Variants in FER1L6 observed in about 807,000 individuals in gnomAD.
FER1L6 encodes the protein fer-1-like protein 6.
FER1L6 carries 177 observed loss-of-function variants against 219.2 expected under a neutral mutation model. The ratio of observed to expected loss-of-function variants is 0.81; its 90% CI spans 0.71 to 0.91. FER1L6 has a LOEUF of 0.91. Ranked by LOEUF, FER1L6 falls within the 40% of genes least tolerant of loss-of-function variation. The pLI is 0.00. For synonymous variants in FER1L6, 768 were observed against 824.3 expected, an observed-to-expected ratio of 0.93 and a Z score of 1.17; for missense variants, 2,153 against 2,259.9, an observed-to-expected ratio of 0.95 and a Z score of 0.96.
chr8:123,935,010 CTCTTT>C (rs1261929853), intron 1 of FER1L6, among the ~76,000 whole-genome samples: 5 of 152,142 alleles, frequency 3.3e-5, no homozygotes, highest in African/African-American at 1.2e-4. Context: ...TCAGTTAAAT[CTCTTT>C]TCTTTATAAA....
At chr8:123,971,249 T>C (rs932293664) in intron 6 of FER1L6, among the ~76,000 whole-genome samples, 6 of 152,222 alleles carry the variant, frequency 3.9e-5, no homozygotes, top group African/African-American at 4.8e-5. Context: ...AATTATGACA[T>C]TAACCTTCCC....
intron 1 of FER1L6, among the ~76,000 whole-genome samples, chr8:123,938,943 T>C (rs1475256188): frequency 6.6e-6 from 1 of 152,234 alleles, no homozygotes; most frequent in African/African-American, 2.4e-5. Flanking sequence ...AGATAATTAC[T>C]TTTTTATTCT....
At chr8:123,933,396 G>C (rs1813856517) in intron 1 of FER1L6, among the ~76,000 whole-genome samples, 1 of 87,186 alleles carries the variant, frequency 1.1e-5, no homozygotes, top group Non-Finnish European at 2.3e-5. Context: ...GTGTGTGTGT[G>C]TGTGTCTGTG....
At chr8:123,875,406 C>T (rs1023670330) in intron 1 of FER1L6, among the ~76,000 whole-genome samples, 1 of 152,164 alleles carries the variant, frequency 6.6e-6, no homozygotes, top group Non-Finnish European at 1.5e-5. Flanking sequence ...ACCACTTTTT[C>T]TCAGTCTCCT....
chr8:124,091,604 C>T (rs1226741255), intron 34 of FER1L6, 21 bp downstream of exon 34: 2 of 1,606,186 alleles, frequency 1.2e-6, no homozygotes, highest in Admixed American at 1.7e-5. Context: ...GCAAAATATC[C>T]TGCTGGTGTT....
chr8:123,933,468 C>T (rs1257976295), intron 1 of FER1L6, among the ~76,000 whole-genome samples: 1 of 152,116 alleles, frequency 6.6e-6, no homozygotes, highest in Non-Finnish European at 1.5e-5. Context: ...TTCACTTTCC[C>T]CCTAGTGCAT....
intron 5 of FER1L6, among the ~76,000 whole-genome samples, chr8:123,967,251 T>C (rs1410485771): frequency 6.6e-6 from 1 of 152,184 alleles, no homozygotes; most frequent in Non-Finnish European, 1.5e-5. Flanking sequence ...CCAGAGATAT[T>C]CCAAACATGT....
chr8:123,916,775 A>G (rs1223532235), intron 1 of FER1L6, among the ~76,000 whole-genome samples: 4 of 152,184 alleles, frequency 2.6e-5, no homozygotes, highest in African/African-American at 9.7e-5. Flanking sequence ...TCTTGAGCCC[A>G]CTGAGTGCCC....
intron 1 of FER1L6, among the ~76,000 whole-genome samples, chr8:123,945,334 T>C (rs1192938995): frequency 2.0e-5 from 3 of 152,160 alleles, no homozygotes; most frequent in Admixed American, 2.0e-4. Flanking sequence ...GCAAAAATAA[T>C]TTATAAAGAA....
chr8:123,904,831 T>G (rs1209921185), intron 1 of FER1L6, among the ~76,000 whole-genome samples: 3 of 152,234 alleles, frequency 2.0e-5, no homozygotes, highest in African/African-American at 7.2e-5. Context: ...AGTAGTATGT[T>G]GGTGCCAGTT....
At chr8:123,932,495 CATT>C (rs1456139216) in intron 1 of FER1L6, among the ~76,000 whole-genome samples, 1 of 152,144 alleles carries the variant, frequency 6.6e-6, no homozygotes, top group Non-Finnish European at 1.5e-5. Context: ...AATATAAATT[CATT>C]TGAAAAATAA....
At chr8:123,865,533 T>A (rs1399809805) in intron 1 of FER1L6, among the ~76,000 whole-genome samples, 1 of 151,490 alleles carries the variant, frequency 6.6e-6, no homozygotes. Flanking sequence ...CAGGCTGCTT[T>A]GTTTACCTAA....
chr8:124,004,814 T>C (rs906028761), intron 13 of FER1L6, among the ~76,000 whole-genome samples: 1 of 151,914 alleles, frequency 6.6e-6, no homozygotes, highest in Non-Finnish European at 1.5e-5. Flanking sequence ...CTGTCCAACA[T>C]AATGAAACTC....
chr8:123,901,726 T>A (rs1812861683), intron 1 of FER1L6, among the ~76,000 whole-genome samples: 1 of 152,080 alleles, frequency 6.6e-6, no homozygotes, highest in Admixed American at 6.6e-5. Flanking sequence ...TGAAGAATTT[T>A]TTTTTTTTTT....
chr8:124,072,363 C>T (rs956800732), intron 31 of FER1L6, among the ~76,000 whole-genome samples: 15 of 152,190 alleles, frequency 9.9e-5, no homozygotes, highest in East Asian at 3.9e-4. Flanking sequence ...TGAAACTTTT[C>T]GGCCTCATTA....
intron 32 of FER1L6, among the ~76,000 whole-genome samples, chr8:124,077,416 C>T (rs1429629717): frequency 6.6e-6 from 1 of 152,216 alleles, no homozygotes; most frequent in Admixed American, 6.5e-5. Context: ...TTCATTTACA[C>T]ATCTGTGATC....
In FER1L6 at chr8:123,889,575, GAA is replaced by G. The variant is rs1812603387; in HGVS notation, c.-8+37394_-8+37395del. ...TAAGAATTATAGTTAATACAAAAAA[GAA>G]AAAGAATAGAAATAAGTATTAGATA... On this transcript the variant is annotated intron_variant, in intron 1 of 40. Coordinates refer to ENST00000522917, the MANE Select transcript of FER1L6 (RefSeq NM_001039112.2). Among the ~76,000 whole-genome samples, 3 of 151,904 alleles carry G rather than the reference GAA, an allele frequency of 2.0e-5. No individual in the cohort carries two copies. The South Asian group carries it at 6.2e-4, about 31-fold the overall frequency.
chr8:124,099,360 C>A (rs929641383), intron 37 of FER1L6, among the ~76,000 whole-genome samples: 1 of 151,892 alleles, frequency 6.6e-6, no homozygotes, highest in Non-Finnish European at 1.5e-5. Context: ...TTCTTCTCTA[C>A]GGTTTCTTAT....
At chr8:124,058,453 T>C (rs575992954) in intron 22 of FER1L6, among the ~76,000 whole-genome samples, 1 of 152,382 alleles carries the variant, frequency 6.6e-6, no homozygotes, top group African/African-American at 2.4e-5. Flanking sequence ...GCATAGCATA[T>C]GGTTTTATAG....
Sources: gnomAD v4.1 joint callset for allele counts (sites outside exome capture counted in the v4.1 genomes callset) on GRCh38, gnomAD v4.1.1 for gene constraint, MANE v1.5 for transcripts, NCBI Gene and HGNC (gene_info 2026-07-23, HGNC 2026-07-21) for gene names.